Variants in SCNN1G observed in about 807,000 individuals in gnomAD.
SCNN1G encodes the protein epithelial sodium channel subunit gamma.
In SCNN1G, 27 loss-of-function variants were observed where a neutral mutation model predicts 64.6. The ratio of observed to expected loss-of-function variants is 0.42; its 90% CI spans 0.31 to 0.58. The LOEUF (loss-of-function observed/expected upper bound fraction) is 0.58, where lower values mean the gene tolerates loss of function less well. Among genes scored for constraint, SCNN1G ranks in the 20% least tolerant of loss-of-function variants. SCNN1G has a pLI of 0.18. For missense variants in SCNN1G, 743 were observed against 823.4 expected (o/e 0.90, Z 1.19); for synonymous variants, 330 against 314.2 (o/e 1.05, Z -0.53).
intron 6 of SCNN1G, among the ~76,000 whole-genome samples, chr16:23,204,559 TA>T (rs1959960397): frequency 1.3e-5 from 2 of 148,406 alleles, no homozygotes; most frequent in Admixed American, 1.4e-4. Context: ...ACATTATATA[TA>T]AAAGATACTA....
At chr16:23,190,831 ATTTTTTTTTTTTTTT>A (rs896029487) in intron 3 of SCNN1G, among the ~76,000 whole-genome samples, 1 of 56,232 alleles carries the variant, frequency 1.8e-5, no homozygotes, top group African/African-American at 6.8e-5. Flanking sequence ...ATTTGAGGGG[ATTTTTTTTTTTTTTT>A]TTTTTTTTTT....
chr16:23,189,477 T>G lies in SCNN1G; in HGVS notation c.424T>G (p.Ser142Ala). ...GTCCCGGAAGCGCCGAGAGGCGGAG[T>G]CCTGGAACTCCGTCTCAGAGGGAAA... ...PESRKRREAE[S>A]WNSVSEGKQP... The change falls in exon 3 of 13, where the codon TCC becomes GCC. Residue 142 changes from serine to alanine, a missense_variant. Ser to Ala is a moderately conservative substitution (Grantham distance 99). Coordinates refer to ENST00000300061, the MANE Select transcript of SCNN1G (RefSeq NM_001039.4). The G allele has an allele frequency of 1.2e-6, 2 of 1,613,884 alleles. No individual in the cohort carries two copies. The highest frequency in any genetic ancestry group is 1.7e-6 in the Non-Finnish European group (2 of 1,179,978).
At chr16:23,211,925 G>T in intron 7 of SCNN1G, 109 bp from the exon 8 acceptor site, 1 of 831,028 alleles carries the variant, frequency 1.2e-6, no homozygotes. Flanking sequence ...GGTTCATGTG[G>T]TTGGCCAAGG....
At chr16:23,209,360 T>G (rs908340399) in intron 6 of SCNN1G, among the ~76,000 whole-genome samples, 4 of 152,184 alleles carry the variant, frequency 2.6e-5, no homozygotes, top group African/African-American at 9.7e-5. Context: ...GGTCCCTTTT[T>G]CGGAAATACC....
At chr16:23,197,878 CA>C (rs10716781) in intron 6 of SCNN1G, among the ~76,000 whole-genome samples, 109,055 of 144,482 alleles carry the variant, frequency 0.75, 41,017 homozygotes, top group East Asian at 0.88. Context: ...GACTCCATCT[CA>C]AAAAAAAAAA....
At chr16:23,212,607 G>A in intron 8 of SCNN1G, 71 bp from the exon 9 acceptor site, 1 of 1,175,426 alleles carries the variant, frequency 8.5e-7, no homozygotes. Flanking sequence ...GGCTGTCCTT[G>A]GTGACCTGGG....
At chr16:23,203,461 T>C (rs1279651463) in intron 6 of SCNN1G, among the ~76,000 whole-genome samples, 2 of 152,106 alleles carry the variant, frequency 1.3e-5, no homozygotes, top group Non-Finnish European at 2.9e-5. Flanking sequence ...GTTCAGTCTA[T>C]GCCAAACAGG....
intron 1 of SCNN1G, among the ~76,000 whole-genome samples, chr16:23,185,464 C>A (rs2141926624): frequency 6.6e-6 from 1 of 152,244 alleles, no homozygotes; most frequent in Non-Finnish European, 1.5e-5. Flanking sequence ...GTACTCTCCC[C>A]CAAAGCTGTT....
chr16:23,211,882 G>T, intron 7 of SCNN1G, 152 bp from the exon 8 acceptor site: 2 of 732,790 alleles, frequency 2.7e-6, no homozygotes, highest in East Asian at 5.0e-5. Context: ...TGCAGTTCCG[G>T]GACCATGCCC....
At chr16:23,183,985 G>A (rs866141369) in intron 1 of SCNN1G, among the ~76,000 whole-genome samples, 11 of 152,144 alleles carry the variant, frequency 7.2e-5, no homozygotes, top group African/African-American at 2.2e-4. Flanking sequence ...GACGATTATC[G>A]TGAAAATTAA....
chr16:23,189,035 C>T (rs903917631), intron 2 of SCNN1G, among the ~76,000 whole-genome samples: 7 of 152,148 alleles, frequency 4.6e-5, no homozygotes, highest in Non-Finnish European at 1.0e-4. Context: ...CTTGTCCTCA[C>T]TGTGGCTGGT....
intron 3 of SCNN1G, among the ~76,000 whole-genome samples, chr16:23,190,838 T>TG (rs1959696784): frequency 7.9e-6 from 1 of 126,606 alleles, no homozygotes. Context: ...GGGATTTTTT[T>TG]TTTTTTTTTT....
intron 6 of SCNN1G, among the ~76,000 whole-genome samples, chr16:23,204,610 C>T (rs970920653): frequency 2.7e-5 from 4 of 150,064 alleles, no homozygotes; most frequent in African/African-American, 7.3e-5. Flanking sequence ...GATTATTTGC[C>T]GTATGTGTTG....
intron 6 of SCNN1G, 101 bp downstream of exon 6, chr16:23,197,528 C>T: frequency 9.6e-7 from 1 of 1,038,692 alleles, no homozygotes. Context: ...GTGTTTGTTT[C>T]AAAAGGGAAC....
intron 11 of SCNN1G, among the ~76,000 whole-genome samples, chr16:23,214,136 A>G (rs1412766400): frequency 1.3e-5 from 2 of 152,244 alleles, no homozygotes; most frequent in Non-Finnish European, 2.9e-5. Flanking sequence ...GTACTGGCTC[A>G]GCCAATTATT....
chr16:23,205,624 C>T lies in SCNN1G; in HGVS notation c.1078-4126C>T, dbSNP rs145818024. Reference sequence around the variant, plus strand: ...CTAAGGCATGAGAATGGCTTACACCCGGGAGGTGGAGGTTGCAGTGAGCTG... The same window carrying T: ...CTAAGGCATGAGAATGGCTTACACCTGGGAGGTGGAGGTTGCAGTGAGCTG... On this transcript the variant is annotated intron_variant, in intron 6 of 12. Transcript: ENST00000300061. 4.3e-3 allele frequency among the ~76,000 whole-genome samples: 654 copies of T among 151,682 alleles called. 4 individuals carry two copies. Among genetic ancestry groups the T allele is most frequent in the Non-Finnish European group, 7.1e-3 (483 of 67,926 alleles).
chr16:23,208,211 T>C (rs1374404330), intron 6 of SCNN1G, among the ~76,000 whole-genome samples: 1 of 152,128 alleles, frequency 6.6e-6, no homozygotes, highest in Non-Finnish European at 1.5e-5. Context: ...CCAGGTGCAG[T>C]GGCAGGAGCC....
rs372308547 is a variant in SCNN1G, at chr16:23,189,978, G to A, written c.618+307G>A. On this transcript the variant is annotated intron_variant, in intron 3 of 12. Coordinates refer to ENST00000300061, the MANE Select transcript of SCNN1G (RefSeq NM_001039.4). Reference sequence around the variant, plus strand: ...TCAGCTACTTGGGAAGCTGAGGCAAGAGAATTGCTTGAACCCGGGAGGTGG... The same window carrying A: ...TCAGCTACTTGGGAAGCTGAGGCAAAAGAATTGCTTGAACCCGGGAGGTGG... Among the ~76,000 whole-genome samples, 9 of 152,236 alleles carry A rather than the reference G, an allele frequency of 5.9e-5. No individual in the cohort carries two copies. The East Asian group carries it at 1.7e-3, about 29-fold the overall frequency.
At chr16:23,214,204 C>T (rs769169821) in intron 11 of SCNN1G, among the ~76,000 whole-genome samples, 9 of 152,184 alleles carry the variant, frequency 5.9e-5, no homozygotes, top group Non-Finnish European at 1.0e-4. Context: ...TCCACATCTG[C>T]GAAATGAGGA....
Sources: gnomAD v4.1 joint callset for allele counts (sites outside exome capture counted in the v4.1 genomes callset) on GRCh38, gnomAD v4.1.1 for gene constraint, MANE v1.5 for transcripts, NCBI Gene and HGNC (gene_info 2026-07-23, HGNC 2026-07-21) for gene names.